RAPGEF5: variants seen among roughly 807,000 people sequenced by gnomAD.
RAPGEF5 encodes the protein M-Ras-regulated GEF.
A neutral mutation model predicts 125.2 loss-of-function variants in RAPGEF5; 65 were observed. That is an observed-to-expected ratio of 0.52 (90% CI 0.43 to 0.64). The LOEUF is 0.64. RAPGEF5 is among the 30% of genes least tolerant of loss of function. The pLI is 0.00. For missense variants in RAPGEF5, 958 were observed against 1,048.1 expected (o/e 0.91, Z 1.19); for synonymous variants, 391 against 385.9 (o/e 1.01, Z -0.16).
intron 1 of RAPGEF5, among the ~76,000 whole-genome samples, chr7:22,343,766 G>A (rs1784172092): frequency 6.6e-6 from 1 of 152,054 alleles, no homozygotes; most frequent in Non-Finnish European, 1.5e-5. Context: ...TCGACTATTT[G>A]TTACTTCATG....
intron 17 of RAPGEF5, among the ~76,000 whole-genome samples, chr7:22,151,186 G>C (rs564645496): frequency 6.6e-6 from 1 of 152,010 alleles, no homozygotes; most frequent in African/African-American, 2.4e-5. Context: ...ACATAACTGG[G>C]GTTTGGTAAA....
Position 22,267,000 on chromosome 7 carries a change from G to A in RAPGEF5, c.760C>T (p.Leu254=). The A allele has an allele frequency of 6.2e-7, 1 of 1,610,052 alleles. No individual in the cohort carries two copies. Among genetic ancestry groups the A allele is most frequent in the South Asian group, 1.1e-5 (1 of 90,880 alleles). Residue 254 remains leucine, a synonymous_variant, in exon 7 of 26, where the codon CTA becomes TTA. Coordinates refer to ENST00000665637, the MANE Select transcript of RAPGEF5 (RefSeq NM_012294.5). ...GCTTTCAAAGCAATAACAGCTGCTAGCTCTCTCTGCACCTAATAAAATATT... is the reference window on the plus strand; with the variant it reads ...GCTTTCAAAGCAATAACAGCTGCTAACTCTCTCTGCACCTAATAAAATATT... The part of the protein sequence containing the change: ...VRLTSAVQRE[L]AAVIALKARK...
chr7:22,304,895 A>G (rs1362283305), intron 5 of RAPGEF5, among the ~76,000 whole-genome samples: 1 of 152,218 alleles, frequency 6.6e-6, no homozygotes. Flanking sequence ...GACCAATTGA[A>G]TGGTATCTGA....
chr7:22,302,631 T>A (rs143490397), intron 5 of RAPGEF5, among the ~76,000 whole-genome samples: 75 of 152,314 alleles, frequency 4.9e-4, no homozygotes, highest in Middle Eastern at 3.4e-3. Context: ...ACTCGCCATG[T>A]ACCCAGAGGC....
At chr7:22,319,979 G>A (rs1783683644) in intron 1 of RAPGEF5, among the ~76,000 whole-genome samples, 1 of 152,070 alleles carries the variant, frequency 6.6e-6, no homozygotes, top group Non-Finnish European at 1.5e-5. Flanking sequence ...CCACTTAACA[G>A]AAACCTCCCC....
At chr7:22,278,634 T>C (rs1230000788) in intron 6 of RAPGEF5, among the ~76,000 whole-genome samples, 1 of 151,728 alleles carries the variant, frequency 6.6e-6, no homozygotes, top group Admixed American at 6.6e-5. Flanking sequence ...TTTTATCTAT[T>C]GTCAATAGAT....
intron 6 of RAPGEF5, among the ~76,000 whole-genome samples, chr7:22,290,689 G>T (rs1288075354): frequency 6.8e-6 from 1 of 146,856 alleles, no homozygotes; most frequent in Non-Finnish European, 1.5e-5. Context: ...AGCTTGCAGT[G>T]AGCCGAGATC....
At chr7:22,197,942 T>C (rs1234248893) in intron 9 of RAPGEF5, among the ~76,000 whole-genome samples, 1 of 141,118 alleles carries the variant, frequency 7.1e-6, no homozygotes, top group Non-Finnish European at 1.5e-5. Context: ...CAGGCTGGAG[T>C]GCAGGAGCAC....
At chr7:22,137,432 C>G (rs915028575) in intron 21 of RAPGEF5, among the ~76,000 whole-genome samples, 1 of 152,098 alleles carries the variant, frequency 6.6e-6, no homozygotes, top group Non-Finnish European at 1.5e-5. Context: ...CCTTAAGTGA[C>G]GAAGCCTGCA....
At position 22,193,199 on chromosome 7, in the gene RAPGEF5, T is replaced by C. The variant is rs1005322236; in HGVS notation, c.1204+168A>G. Reference sequence around the variant, plus strand: ...GCTGCTTGGGATCTACATGTGTCCATTTATTGGATTTAAACAAATCAGCAC... The same window carrying C: ...GCTGCTTGGGATCTACATGTGTCCACTTATTGGATTTAAACAAATCAGCAC... On this transcript the variant is annotated intron_variant, in intron 11 of 25. Coordinates refer to ENST00000665637, the MANE Select transcript of RAPGEF5 (RefSeq NM_012294.5). 6 of 699,264 alleles carry C rather than the reference T, an allele frequency of 8.6e-6. No homozygotes were observed. The African/African-American group carries it at 9.0e-5, about 10-fold the overall frequency. 43.3% of individuals were successfully genotyped at this position (699,264 alleles called of 1,614,324 possible). A position where few individuals can be genotyped will look rare whatever the true frequency, so the allele number is the denominator to read the frequency against.
At chr7:22,191,892 G>T (rs1785007943) in intron 11 of RAPGEF5, among the ~76,000 whole-genome samples, 1 of 152,176 alleles carries the variant, frequency 6.6e-6, no homozygotes. Flanking sequence ...TTACTAATGT[G>T]ACCCAGACAC....
chr7:22,340,705 G>GC (rs2128386755), intron 1 of RAPGEF5, among the ~76,000 whole-genome samples: 1 of 152,242 alleles, frequency 6.6e-6, no homozygotes, highest in South Asian at 2.1e-4. Flanking sequence ...AGGGTATTCC[G>GC]CACTAGAACC....
intron 12 of RAPGEF5, among the ~76,000 whole-genome samples, chr7:22,164,339 T>C (rs1216180446): frequency 6.6e-6 from 1 of 152,174 alleles, no homozygotes; most frequent in African/African-American, 2.4e-5. Context: ...CAAAGATTTA[T>C]CTTACATTAT....
intron 20 of RAPGEF5, among the ~76,000 whole-genome samples, chr7:22,140,348 TATTTCAC>T (rs1783216931): frequency 1.3e-5 from 2 of 152,348 alleles, no homozygotes; most frequent in South Asian, 4.1e-4. Context: ...ACCCTCCTCA[TATTTCAC>T]AAGATTCCTC....
chr7:22,125,356 A>G lies in RAPGEF5; in HGVS notation c.2536+248T>C, dbSNP rs368550549. On this transcript the variant is annotated intron_variant, in intron 25 of 25. Coordinates refer to ENST00000665637, the MANE Select transcript of RAPGEF5 (RefSeq NM_012294.5). Reference sequence around the variant, plus strand: ...GGGGAGGAGGTTTCTGAGTGTGTAAAGTCACTCTTCACAGCATAAACTTGC... The same window carrying G: ...GGGGAGGAGGTTTCTGAGTGTGTAAGGTCACTCTTCACAGCATAAACTTGC... The G allele has an allele frequency of 1.2e-4, 46 of 397,406 alleles. No homozygotes were observed. The East Asian group carries it at 1.8e-3, about 16-fold the overall frequency. 24.6% of individuals were successfully genotyped at this position (397,406 alleles called of 1,614,324 possible).
At chr7:22,240,284 A>AT (rs1186488693) in intron 7 of RAPGEF5, among the ~76,000 whole-genome samples, 3 of 151,136 alleles carry the variant, frequency 2.0e-5, no homozygotes, top group African/African-American at 7.3e-5. Flanking sequence ...TAAAACCTTG[A>AT]TAAACAAAAA....
chr7:22,237,361 TG>T (rs1456167300), intron 7 of RAPGEF5, among the ~76,000 whole-genome samples: 2 of 148,248 alleles, frequency 1.3e-5, no homozygotes, highest in Non-Finnish European at 3.0e-5. Flanking sequence ...TTGTTGTTGC[TG>T]TTTTTTTTTT....
intron 1 of RAPGEF5, among the ~76,000 whole-genome samples, chr7:22,329,721 G>T (rs1424941371): frequency 6.6e-6 from 1 of 152,098 alleles, no homozygotes; most frequent in African/African-American, 2.4e-5. Context: ...CCACATTTTT[G>T]ATGTTGGATA....
chr7:22,314,600 C>G (rs958264375), intron 3 of RAPGEF5: 40 of 977,112 alleles, frequency 4.1e-5, no homozygotes, highest in Admixed American at 3.7e-4. Context: ...ATCCTGAGTC[C>G]TCTTCTTACT....
Sources: allele counts gnomAD v4.1 joint callset (sites outside exome capture counted in the v4.1 genomes callset), GRCh38; gene constraint gnomAD v4.1.1; transcripts MANE v1.5; gene names NCBI Gene and HGNC (gene_info 2026-07-23, HGNC 2026-07-21).